The following SSPN variants were observed in gnomAD, a reference collection of about 807,000 sequenced individuals.
The protein encoded by SSPN is K-ras oncogene-associated protein.
A neutral mutation model predicts 19.1 loss-of-function variants in SSPN; 15 were observed. The observed-to-expected ratio is 0.78, with a 90% CI of 0.52 to 1.21. The LOEUF (loss-of-function observed/expected upper bound fraction) is 1.21. Among genes scored for constraint, SSPN ranks in the 50% most tolerant of loss-of-function variants. SSPN has a pLI of 0.00. For synonymous variants in SSPN, 147 were observed against 140.3 expected (o/e 1.05, Z -0.34); for missense variants, 291 against 314.0 (o/e 0.93, Z 0.55).
chr12:26,146,977 C>A (rs1944495873), intron 1 of SSPN, among the ~76,000 whole-genome samples: 1 of 152,106 alleles, frequency 6.6e-6, no homozygotes. Flanking sequence ...CTTCAATGTG[C>A]AGTGCAAGTT....
intron 1 of SSPN, among the ~76,000 whole-genome samples, chr12:26,128,551 T>C (rs1210753532): frequency 6.6e-6 from 1 of 152,062 alleles, no homozygotes; most frequent in Admixed American, 6.6e-5. Flanking sequence ...AGGTTAGTAA[T>C]AGGAAAAGTT....
chr12:26,195,988 C>T, intron 1 of SSPN, 37 bp downstream of exon 1: 1 of 1,424,330 alleles, frequency 7.0e-7, no homozygotes. Context: ...GCGCGTTTGC[C>T]AAACAGGAAT....
intron 1 of SSPN, among the ~76,000 whole-genome samples, chr12:26,204,615 C>T (rs1944915207): frequency 6.6e-6 from 1 of 152,168 alleles, no homozygotes; most frequent in Non-Finnish European, 1.5e-5. Flanking sequence ...TGATTGCATA[C>T]TGTGGGCACC....
chr12:26,142,505 G>A (rs1181979685), intron 1 of SSPN, among the ~76,000 whole-genome samples: 1 of 152,134 alleles, frequency 6.6e-6, no homozygotes, highest in Non-Finnish European at 1.5e-5. Context: ...ACAGAGAGTA[G>A]TACCTTCAAT....
At position 26,222,660 on chromosome 12, in the gene SSPN, A is replaced by G. The variant is rs183542366; in HGVS notation, c.280-1633A>G. Among the ~76,000 whole-genome samples, 63 of 152,344 alleles carry G rather than the reference A, an allele frequency of 4.1e-4. No individual in the cohort carries two copies. The East Asian group carries it at 9.4e-3, about 23-fold the overall frequency. On this transcript the variant is annotated intron_variant, in intron 1 of 2. Coordinates refer to ENST00000242729, the MANE Select transcript of SSPN (RefSeq NM_005086.5). ...ATTTTGAAAGTGTGGAACTTTATCA[A>G]TGTTTTAAGCTTTCCAAAATTGAAT... is the stretch of plus-strand genomic sequence containing the variant.
At chr12:26,142,565 A>G (rs750939963) in intron 1 of SSPN, among the ~76,000 whole-genome samples, 12 of 152,192 alleles carry the variant, frequency 7.9e-5, no homozygotes, top group African/African-American at 1.2e-4. Flanking sequence ...CACTGTGACA[A>G]GTTTGTGACG....
intron 1 of SSPN, among the ~76,000 whole-genome samples, chr12:26,212,900 G>A (rs371573871): frequency 6.6e-6 from 1 of 151,496 alleles, no homozygotes; most frequent in South Asian, 2.1e-4. Flanking sequence ...GAGTTTTAAC[G>A]CTGGTCCACT....
chr12:26,232,771 A>T lies in SSPN; in HGVS notation c.*1695A>T, dbSNP rs1254225561. ...AGATGTTAAACCTTTTAATGTTTTG[A>T]TTTGCTTTAAAAATGGCCTTCCTAC... On this transcript the variant is annotated 3_prime_UTR_variant, in exon 3 of 3. Transcript: ENST00000242729. The T allele has an allele frequency of 2.1e-6, 2 of 968,150 alleles. No homozygotes were observed. Among genetic ancestry groups the T allele is most frequent in the African/African-American group, 3.5e-5 (2 of 56,826 alleles). 60.0% of individuals were successfully genotyped at this position (968,150 alleles called of 1,614,324 possible).
rs1224426736 is a variant in SSPN at position 26,122,502 on chromosome 12, G to A, written c.-31+350G>A. On this transcript the variant is annotated intron_variant, in intron 1 of 2. Coordinates refer to the SSPN transcript ENST00000538142. ...GGGGGCCGCGGCGGCCGCGGGCTGC[G>A]GGAAGGGCGCGCCTCCGCCTCCGCC... The A allele has an allele frequency of 1.1e-5, 14 of 1,314,358 alleles. No individual in the cohort carries two copies. The South Asian group carries it at 1.8e-4, about 17-fold the overall frequency. The allele number at this position is 1,314,358 out of a possible 1,614,324, so 81.4% of individuals were successfully genotyped here.
intron 1 of SSPN, among the ~76,000 whole-genome samples, chr12:26,159,910 G>A (rs571319610): frequency 1.3e-5 from 2 of 152,350 alleles, no homozygotes; most frequent in Admixed American, 6.5e-5. Flanking sequence ...GATGGCCCTT[G>A]ATCAGGATCC....
At chr12:26,213,112 GT>G (rs1945009001) in intron 1 of SSPN, among the ~76,000 whole-genome samples, 1 of 144,032 alleles carries the variant, frequency 6.9e-6, no homozygotes, top group African/African-American at 2.7e-5. Context: ...CAGAAAAATA[GT>G]TTTAATTGAA....
chr12:26,157,655 C>A (rs968555891), intron 1 of SSPN, among the ~76,000 whole-genome samples: 9 of 152,166 alleles, frequency 5.9e-5, no homozygotes, highest in Non-Finnish European at 1.3e-4. Flanking sequence ...GTCAAGGTGA[C>A]TTTGAAGTTC....
chr12:26,130,281 A>C (rs1392049408), intron 1 of SSPN, among the ~76,000 whole-genome samples: 1 of 152,214 alleles, frequency 6.6e-6, no homozygotes, highest in Non-Finnish European at 1.5e-5. Context: ...AATGTGAAGC[A>C]CATTCAAATA....
intron 1 of SSPN, among the ~76,000 whole-genome samples, chr12:26,159,502 C>A (rs1355043446): frequency 1.3e-5 from 2 of 152,156 alleles, no homozygotes; most frequent in East Asian, 1.9e-4. Context: ...ACAGGTGGGG[C>A]AGGTAGAACA....
chr12:26,136,195 G>C (rs1014968173), intron 1 of SSPN, among the ~76,000 whole-genome samples: 1 of 152,228 alleles, frequency 6.6e-6, no homozygotes, highest in African/African-American at 2.4e-5. Context: ...GGGATGACGT[G>C]TGTAGGCTAT....
rs1195968315 is a variant in SSPN at position 26,233,275 on chromosome 12, T to C, written c.*2199T>C. 6.6e-6 allele frequency: 1 copy of C among 151,580 alleles called. No homozygotes were observed. Among genetic ancestry groups the C allele is most frequent in the Non-Finnish European group, 1.5e-5 (1 of 67,994 alleles). 9.4% of individuals were successfully genotyped at this position (151,580 alleles called of 1,614,324 possible). ...TTCTGTGCTTCCTTTTTCTAAATAA[T>C]GCAACTTGTAAGAGTTGACATTGTA... On this transcript the variant is annotated 3_prime_UTR_variant, in exon 3 of 3. Transcript: ENST00000242729. The surrounding 1 kb of genome is among the most constrained non-coding windows in gnomAD (Gnocchi z 4.3).
intron 1 of SSPN, among the ~76,000 whole-genome samples, chr12:26,221,989 G>A (rs1278299640): frequency 6.6e-6 from 1 of 152,148 alleles, no homozygotes; most frequent in African/African-American, 2.4e-5. Flanking sequence ...TTACAAATGA[G>A]CTTTACAAAA....
chr12:26,190,670 G>T (rs1000681525), upstream of SSPN, among the ~76,000 whole-genome samples: 1 of 152,156 alleles, frequency 6.6e-6, no homozygotes. Flanking sequence ...GGCATTAGGA[G>T]AGTTTGGTGA....
At chr12:26,122,079 T>C in exon 1 of SSPN, 1 of 1,549,596 alleles carries the variant, frequency 6.5e-7, no homozygotes, top group African/African-American at 1.4e-5. Flanking sequence ...GGGAGCTTCC[T>C]TTCCTGGCTG....
Sources: gnomAD v4.1 joint callset for allele counts (sites outside exome capture counted in the v4.1 genomes callset) on GRCh38, gnomAD v4.1.1 for gene constraint, Gnocchi (gnomAD v3.1) non-coding constraint, MANE v1.5 for transcripts, NCBI Gene and HGNC (gene_info 2026-07-23, HGNC 2026-07-21) for gene names.